The following SPAG16 variants were observed in gnomAD, a reference collection of about 807,000 sequenced individuals.
SPAG16 encodes sperm associated antigen 16.
SPAG16 carries 86 observed loss-of-function variants against 80.4 expected under a neutral mutation model. The observed-to-expected ratio is 1.07, with a 90% CI of 0.90 to 1.28. The LOEUF is 1.28. Among genes scored for constraint, SPAG16 ranks in the 50% most tolerant of loss-of-function variants. SPAG16 has a pLI of 0.00. For synonymous variants in SPAG16, 294 were observed against 265.9 expected, an observed-to-expected ratio of 1.11 and a Z score of -1.03; for missense variants, 870 against 765.3, an observed-to-expected ratio of 1.14 and a Z score of -1.61.
intron 9 of SPAG16, among the ~76,000 whole-genome samples, chr2:213,488,669 A>G (rs558070666): frequency 7.9e-5 from 12 of 152,188 alleles, no homozygotes; most frequent in African/African-American, 2.7e-4. Flanking sequence ...ATTAAACCAC[A>G]GTGTTAATAG....
intron 14 of SPAG16, among the ~76,000 whole-genome samples, chr2:214,131,396 A>T (rs1040590729): frequency 6.6e-6 from 1 of 151,640 alleles, no homozygotes; most frequent in African/African-American, 2.4e-5. Context: ...AAAAAATCAA[A>T]CTCTATCCAC....
chr2:213,798,213 A>C (rs1378099107), intron 10 of SPAG16, among the ~76,000 whole-genome samples: 4 of 152,144 alleles, frequency 2.6e-5, no homozygotes, highest in Non-Finnish European at 4.4e-5. Context: ...CCCTTATCAG[A>C]CTTATGACTT....
intron 10 of SPAG16, among the ~76,000 whole-genome samples, chr2:213,556,727 A>G (rs1407811804): frequency 2.0e-5 from 3 of 152,114 alleles, no homozygotes; most frequent in African/African-American, 7.2e-5. Flanking sequence ...CTTGAACTAT[A>G]CTCTTTAGAC....
At chr2:213,355,169 G>T (rs531319764) in intron 7 of SPAG16, among the ~76,000 whole-genome samples, 5 of 152,138 alleles carry the variant, frequency 3.3e-5, no homozygotes, top group African/African-American at 1.2e-4. Context: ...AGATCAGATG[G>T]TTGTAGATGT....
intron 15 of SPAG16, among the ~76,000 whole-genome samples, chr2:214,222,817 C>T (rs1273259853): frequency 2.0e-5 from 3 of 152,132 alleles, no homozygotes; most frequent in Non-Finnish European, 4.4e-5. Context: ...ATAAAATGCT[C>T]TCTGGATGTG....
intron 15 of SPAG16, among the ~76,000 whole-genome samples, chr2:214,409,836 G>A (rs1253866270): frequency 1.3e-5 from 2 of 152,016 alleles, no homozygotes; most frequent in Non-Finnish European, 1.5e-5. Flanking sequence ...TCATCTCCTC[G>A]AAATGCTTTA....
intron 12 of SPAG16, among the ~76,000 whole-genome samples, chr2:213,960,575 T>G (rs1286444819): frequency 6.6e-6 from 1 of 152,204 alleles, no homozygotes; most frequent in Non-Finnish European, 1.5e-5. Context: ...GTTTTTGTTT[T>G]CCTATTGTTG....
In SPAG16 at chr2:213,364,901, A is replaced by G. The variant is rs549567308; in HGVS notation, c.832+756A>G. 15 of 152,380 alleles carry G rather than the reference A, an allele frequency of 9.8e-5. 1 individual carries two copies. The highest frequency in any genetic ancestry group is 1.9e-4 in the Non-Finnish European group (13 of 68,050). 9.4% of individuals were successfully genotyped at this position (152,380 alleles called of 1,614,324 possible). On this transcript the variant is annotated intron_variant, in intron 8 of 15. Transcript: ENST00000331683. ...ACCTCTTTCACACCTTGTTAACAAC[A>G]CAGTAACATTCAGCATCCCATATCC...
intron 10 of SPAG16, among the ~76,000 whole-genome samples, chr2:213,850,689 T>G (rs936280935): frequency 2.4e-5 from 2 of 82,136 alleles, no homozygotes; most frequent in Non-Finnish European, 6.5e-5. Context: ...AGAAATTCTG[T>G]TTTTTTTTTT....
At chr2:214,108,741 C>T (rs1408347621) in intron 14 of SPAG16, among the ~76,000 whole-genome samples, 1 of 152,138 alleles carries the variant, frequency 6.6e-6, no homozygotes, top group African/African-American at 2.4e-5. Context: ...TTTGATTTGA[C>T]AGCTTTTTAA....
chr2:213,911,352 C>T (rs1024357460), intron 11 of SPAG16, among the ~76,000 whole-genome samples: 1 of 152,000 alleles, frequency 6.6e-6, no homozygotes, highest in African/African-American at 2.4e-5. Flanking sequence ...ACAGTGTTGC[C>T]CAGGATAGTC....
chr2:214,022,231 T>G (rs2047909235), intron 13 of SPAG16, among the ~76,000 whole-genome samples: 1 of 152,182 alleles, frequency 6.6e-6, no homozygotes, highest in Non-Finnish European at 1.5e-5. Flanking sequence ...AAGATATGCT[T>G]GAAAAAAATC....
chr2:213,883,996 C>T (rs866795907), intron 11 of SPAG16, among the ~76,000 whole-genome samples: 2 of 152,052 alleles, frequency 1.3e-5, no homozygotes, highest in Non-Finnish European at 2.9e-5. Flanking sequence ...GGGTGTTTAG[C>T]CCATTTACAT....
chr2:213,578,023 C>T (rs948443940), intron 10 of SPAG16, among the ~76,000 whole-genome samples: 1 of 151,988 alleles, frequency 6.6e-6, no homozygotes, highest in East Asian at 1.9e-4. Context: ...CATAACATAA[C>T]TCTGTATAAT....
intron 10 of SPAG16, among the ~76,000 whole-genome samples, chr2:213,835,767 A>G (rs10204670): frequency 0.35 from 53,418 of 151,970 alleles, 9,977 homozygotes; most frequent in East Asian, 0.52. Flanking sequence ...GAGTTTATAG[A>G]ATAACAACCC....
At chr2:213,970,063 C>T (rs2044940581) in intron 12 of SPAG16, among the ~76,000 whole-genome samples, 1 of 152,112 alleles carries the variant, frequency 6.6e-6, no homozygotes, top group Admixed American at 6.6e-5. Flanking sequence ...CTTGCTGTGA[C>T]CTCACATGGC....
chr2:213,485,247 G>T (rs2073928645), intron 9 of SPAG16, among the ~76,000 whole-genome samples: 1 of 152,040 alleles, frequency 6.6e-6, no homozygotes, highest in African/African-American at 2.4e-5. Context: ...ACCTGCTTTG[G>T]CCTACCAAAA....
intron 12 of SPAG16, among the ~76,000 whole-genome samples, chr2:213,957,389 C>T (rs1267106925): frequency 2.0e-5 from 3 of 151,332 alleles, no homozygotes; most frequent in Non-Finnish European, 2.9e-5. Context: ...CTCTGATTAA[C>T]TTTTAAAATT....
intron 15 of SPAG16, among the ~76,000 whole-genome samples, chr2:214,201,926 G>A (rs1347271512): frequency 1.3e-5 from 2 of 151,906 alleles, no homozygotes; most frequent in Non-Finnish European, 2.9e-5. Flanking sequence ...ACTCACTGCA[G>A]CCTCAACTTC....
Sources: allele counts gnomAD v4.1 joint callset (sites outside exome capture counted in the v4.1 genomes callset), GRCh38; gene constraint gnomAD v4.1.1; transcripts MANE v1.5; gene names NCBI Gene and HGNC (gene_info 2026-07-23, HGNC 2026-07-21).